The following FSTL5 variants were observed in gnomAD, a reference collection of about 807,000 sequenced individuals.
The protein encoded by FSTL5 is follistatin-related protein 5.
FSTL5 carries 62 observed loss-of-function variants against 89.1 expected under a neutral mutation model. That is an observed-to-expected ratio of 0.70 (90% CI 0.57 to 0.86). The LOEUF (loss-of-function observed/expected upper bound fraction) is 0.86. Among genes scored for constraint, FSTL5 ranks in the 40% least tolerant of loss-of-function variants. The probability of loss-of-function intolerance (pLI) is 0.00; values close to 1 mark genes in which losing one functional copy is unlikely to be tolerated. For missense variants in FSTL5, 1,057 were observed against 1,001.6 expected (o/e 1.06, Z -0.75); for synonymous variants, 383 against 346.2 (o/e 1.11, Z -1.18).
At chr4:161,630,893 G>A (rs1735481239) in intron 7 of FSTL5, among the ~76,000 whole-genome samples, 2 of 152,122 alleles carry the variant, frequency 1.3e-5, no homozygotes, top group South Asian at 4.1e-4. Flanking sequence ...ACTTGTCATA[G>A]AAACAAATTC....
At chr4:161,626,296 C>T (rs1052396666) in intron 7 of FSTL5, among the ~76,000 whole-genome samples, 6 of 152,220 alleles carry the variant, frequency 3.9e-5, no homozygotes, top group South Asian at 2.1e-4. Flanking sequence ...CTAATGCACT[C>T]GGTGACTTTG....
chr4:161,558,210 A>G (rs2126566827), intron 8 of FSTL5, among the ~76,000 whole-genome samples: 1 of 151,972 alleles, frequency 6.6e-6, no homozygotes, highest in African/African-American at 2.4e-5. Flanking sequence ...CGAAAGGAAG[A>G]GCAGATTAGT....
At chr4:161,562,378 T>C (rs1732636913) in intron 8 of FSTL5, among the ~76,000 whole-genome samples, 1 of 152,014 alleles carries the variant, frequency 6.6e-6, no homozygotes, top group African/African-American at 2.4e-5. Context: ...GTGATTTTCA[T>C]AGAAACTGCA....
chr4:162,064,143 A>G (rs532735905), intron 2 of FSTL5, among the ~76,000 whole-genome samples: 1 of 152,052 alleles, frequency 6.6e-6, no homozygotes, highest in Admixed American at 6.6e-5. Flanking sequence ...AGCAGTTTCT[A>G]CTATGCTTGT....
intron 2 of FSTL5, among the ~76,000 whole-genome samples, chr4:162,046,331 T>C (rs1454067077): frequency 6.6e-6 from 1 of 152,078 alleles, no homozygotes; most frequent in African/African-American, 2.4e-5. Flanking sequence ...TTTGCTGAGT[T>C]ATGGGGTAAA....
chr4:161,468,378 G>A (rs1048214431), intron 13 of FSTL5, among the ~76,000 whole-genome samples: 7 of 152,130 alleles, frequency 4.6e-5, no homozygotes, highest in Admixed American at 2.0e-4. Context: ...TGTATCAAGA[G>A]AAGGTTAGGA....
At chr4:161,905,456 A>G (rs2110809340) in intron 4 of FSTL5, among the ~76,000 whole-genome samples, 1 of 152,280 alleles carries the variant, frequency 6.6e-6, no homozygotes, top group African/African-American at 2.4e-5. Context: ...AAAGCTGATG[A>G]CGAGCCACTT....
intron 6 of FSTL5, among the ~76,000 whole-genome samples, chr4:161,714,633 T>C (rs963765310): frequency 6.6e-6 from 1 of 152,206 alleles, no homozygotes; most frequent in Admixed American, 6.5e-5. Context: ...CTTAGATTTA[T>C]GGTTATCCCA....
intron 1 of FSTL5, among the ~76,000 whole-genome samples, chr4:162,128,920 C>CT (rs11317941): frequency 0.015 from 1,871 of 128,980 alleles, 41 homozygotes; most frequent in African/African-American, 0.046. Context: ...CTGTTTGAGA[C>CT]TTTTTTTTTT....
At chr4:161,680,771 T>A (rs913859564) in intron 6 of FSTL5, among the ~76,000 whole-genome samples, 1 of 151,958 alleles carries the variant, frequency 6.6e-6, no homozygotes, top group African/African-American at 2.4e-5. Context: ...ATTTGTCAAG[T>A]AACAAATTTA....
At chr4:161,768,921 G>T (rs533509221) in intron 5 of FSTL5, among the ~76,000 whole-genome samples, 1 of 151,578 alleles carries the variant, frequency 6.6e-6, no homozygotes, top group East Asian at 1.9e-4. Flanking sequence ...CTTTTAAAAA[G>T]ATAAATAAAA....
At chr4:161,865,918 A>G (rs557677358) in intron 4 of FSTL5, among the ~76,000 whole-genome samples, 11 of 152,318 alleles carry the variant, frequency 7.2e-5, no homozygotes, top group Admixed American at 3.9e-4. Context: ...CTAGCCAGCT[A>G]TGTCAAAGAA....
At chr4:161,914,816 C>T (rs1429195211) in intron 4 of FSTL5, among the ~76,000 whole-genome samples, 1 of 152,100 alleles carries the variant, frequency 6.6e-6, no homozygotes, top group Non-Finnish European at 1.5e-5. Flanking sequence ...TGTACATTTA[C>T]TAAAGTTCTA....
chr4:161,435,801 T>C (rs886256656), intron 15 of FSTL5, among the ~76,000 whole-genome samples: 7 of 151,940 alleles, frequency 4.6e-5, no homozygotes, highest in Admixed American at 1.3e-4. Context: ...CAAAACCAGA[T>C]GGTCCCTTGG....
chr4:161,581,253 G>A (rs555779477), intron 8 of FSTL5, among the ~76,000 whole-genome samples: 16 of 152,308 alleles, frequency 1.1e-4, no homozygotes, highest in African/African-American at 3.8e-4. Flanking sequence ...GATGAGACCT[G>A]AGAATTTGCC....
At chr4:161,840,042 G>A (rs1731164430) in intron 4 of FSTL5, among the ~76,000 whole-genome samples, 1 of 152,160 alleles carries the variant, frequency 6.6e-6, no homozygotes, top group Non-Finnish European at 1.5e-5. Flanking sequence ...TGTTACAAAA[G>A]CCAGGAGATT....
At chr4:161,632,490 G>T (rs1377688313) in intron 7 of FSTL5, among the ~76,000 whole-genome samples, 5 of 152,168 alleles carry the variant, frequency 3.3e-5, no homozygotes, top group African/African-American at 1.2e-4. Flanking sequence ...CTAAAAATAT[G>T]TATCATTTAA....
chr4:161,411,615 G>A (rs919093048), intron 15 of FSTL5, among the ~76,000 whole-genome samples: 2 of 152,136 alleles, frequency 1.3e-5, no homozygotes, highest in African/African-American at 2.4e-5. Context: ...GGCAGAGGAA[G>A]CTTTCAATAA....
chr4:161,518,006 A>G (rs1304872985), intron 10 of FSTL5, among the ~76,000 whole-genome samples: 1 of 152,226 alleles, frequency 6.6e-6, no homozygotes, highest in Non-Finnish European at 1.5e-5. Context: ...TGGAGAATGA[A>G]CTAAGACTTT....
Sources: gnomAD v4.1 joint callset for allele counts (sites outside exome capture counted in the v4.1 genomes callset) on GRCh38, gnomAD v4.1.1 for gene constraint, MANE v1.5 for transcripts, NCBI Gene and HGNC (gene_info 2026-07-23, HGNC 2026-07-21) for gene names.